The following SNED1 variants were observed in gnomAD, a reference collection of about 807,000 sequenced individuals.
SNED1 encodes the protein sushi, nidogen and EGF like domains 1, also known as sushi, nidogen and EGF-like domain-containing protein 1.
SNED1 carries 81 observed loss-of-function variants against 166.7 expected under a neutral mutation model. The observed-to-expected ratio is 0.49, with a 90% CI of 0.41 to 0.58. The LOEUF is 0.58. Ranked by LOEUF, SNED1 falls within the 20% of genes least tolerant of loss-of-function variation. SNED1 has a pLI of 0.00. For synonymous variants in SNED1, 762 were observed against 822.0 expected, an observed-to-expected ratio of 0.93 and a Z score of 1.25; for missense variants, 1,604 against 2,000.2, an observed-to-expected ratio of 0.80 and a Z score of 3.78.
intron 21 of SNED1, 141 bp from the exon 22 acceptor site, chr2:241,067,623 C>T (rs1397643430): frequency 4.7e-6 from 3 of 637,850 alleles, no homozygotes; most frequent in Non-Finnish European, 8.0e-6. Flanking sequence ...GCCCGAGTTC[C>T]CTGAGCAGTT....
chr2:241,027,682 A>G (rs1412849159), intron 1 of SNED1, among the ~76,000 whole-genome samples: 1 of 151,312 alleles, frequency 6.6e-6, no homozygotes, highest in African/African-American at 2.4e-5. Flanking sequence ...CGAACAGTGC[A>G]CAAGGGTTCC....
At chr2:241,009,812 CGGA>C (rs1207449828) in intron 1 of SNED1, among the ~76,000 whole-genome samples, 2 of 125,800 alleles carry the variant, frequency 1.6e-5, no homozygotes, top group African/African-American at 1.1e-4. Flanking sequence ...TGTGTTTCCC[CGGA>C]GGCGTCCCAT....
chr2:241,081,502 C>T (rs2063327415), intron 27 of SNED1, among the ~76,000 whole-genome samples, 175 bp from the exon 28 acceptor site: 1 of 152,246 alleles, frequency 6.6e-6, no homozygotes, highest in South Asian at 2.1e-4. Context: ...CTCTCAACAC[C>T]TGAACTGGGA....
intron 30 of SNED1, 179 bp from the exon 31 acceptor site, chr2:241,088,186 G>A (rs2063682249): frequency 1.7e-6 from 1 of 600,090 alleles, no homozygotes; most frequent in Admixed American, 2.9e-5. Context: ...AAGCCAGGCG[G>A]GCGCACACAA....
chr2:241,039,416 T>A (rs1383722864), intron 6 of SNED1, among the ~76,000 whole-genome samples: 1 of 152,124 alleles, frequency 6.6e-6, no homozygotes, highest in Non-Finnish European at 1.5e-5. Flanking sequence ...GTATGAGCTG[T>A]CAGTAAGACA....
At position 241,064,951 on chromosome 2, in the gene SNED1, G is replaced by T; in HGVS notation, c.2707G>T (p.Ala903Ser). Residue 903 changes from alanine (A) to serine (S), a missense_variant, in exon 20 of 32, where the codon GCC becomes TCC. Transcript: ENST00000310397. This position sits in a 1 kb window ranked among gnomAD's most constrained non-coding sequence, Gnocchi z 7.0. ...CKVGYTGEDC[A>S]KELFPPTALK... ...AGTGGGCTACACGGGCGAGGACTGCGCCAAAGGTGGGTGGCGAGGGCGCCT... is the reference window on the plus strand; with the variant it reads ...AGTGGGCTACACGGGCGAGGACTGCTCCAAAGGTGGGTGGCGAGGGCGCCT... 1.9e-6 allele frequency: 3 copies of T among 1,580,368 alleles called. No individual in the cohort carries two copies. In the South Asian group the frequency reaches 3.5e-5, roughly 18 times the overall value.
rs1271059059 is a variant in SNED1, at chr2:241,075,387, G to T, written c.3916+2023G>T. 1 of 152,310 alleles carries T rather than the reference G, an allele frequency of 6.6e-6. No homozygotes were observed. Among genetic ancestry groups the T allele is most frequent in the Middle Eastern group, 3.4e-3 (1 of 294 alleles). The allele number at this position is 152,310 out of a possible 1,614,324, so 9.4% of individuals were successfully genotyped here. On this transcript the variant is annotated intron_variant, in intron 27 of 31. Transcript: ENST00000310397. This position sits in a 1 kb window ranked among gnomAD's most constrained non-coding sequence, Gnocchi z 4.8. ...TCCAGTCTCTCTAGAACTAGGTTTTGCCGGGTTTGCAGATCCTACAGGCAG... is the reference window on the plus strand; with the variant it reads ...TCCAGTCTCTCTAGAACTAGGTTTTTCCGGGTTTGCAGATCCTACAGGCAG...
chr2:241,004,676 T>C (rs1404660087), intron 1 of SNED1, among the ~76,000 whole-genome samples: 2 of 152,216 alleles, frequency 1.3e-5, no homozygotes, highest in Non-Finnish European at 2.9e-5. Context: ...TGTTGTCATA[T>C]ATATTACTTT....
At position 241,082,379 on chromosome 2, in the gene SNED1, G is replaced by A; in HGVS notation, c.4121+15G>A. 6.3e-7 allele frequency: 1 copy of A among 1,598,494 alleles called. No homozygotes were observed. The highest frequency in any genetic ancestry group is 8.6e-7 in the Non-Finnish European group (1 of 1,166,338). ...TGTCACCACGTGTAAGTTGGTTTCT[G>A]TCCTCCGCCTTACCGCATTTGTCGT... On this transcript the variant is annotated intron_variant, in intron 29 of 31. Transcript: ENST00000310397.
In SNED1 at chr2:241,068,687, C is replaced by T. The variant is rs1333890680; in HGVS notation, c.3195-224C>T. On this transcript the variant is annotated intron_variant, in intron 22 of 31. Transcript: ENST00000310397. This position sits in a 1 kb window ranked among gnomAD's most constrained non-coding sequence, Gnocchi z 5.3. ...GACCATACTGTAGCAGCCCCAAGCG[C>T]ACCCGATCCTCCTCCGCTGCCCGGA... Among the ~76,000 whole-genome samples, 2 of 152,156 alleles carry T rather than the reference C, an allele frequency of 1.3e-5. No individual in the cohort carries two copies. Among genetic ancestry groups the T allele is most frequent in the Admixed American group, 1.3e-4 (2 of 15,288 alleles).
At chr2:241,039,581 A>C (rs2061465062) in intron 6 of SNED1, among the ~76,000 whole-genome samples, 1 of 151,932 alleles carries the variant, frequency 6.6e-6, no homozygotes. Flanking sequence ...CCACTCAGTA[A>C]CTGGGGGCCA....
intron 16 of SNED1, among the ~76,000 whole-genome samples, chr2:241,056,579 A>ATTTTT (rs1559274967): frequency 3.4e-5 from 3 of 87,700 alleles, no homozygotes; most frequent in African/African-American, 1.9e-4. Flanking sequence ...GAATAAGTGA[A>ATTTTT]ATTTTTTTTT....
At chr2:241,000,322 C>T (rs999231422) in intron 1 of SNED1, among the ~76,000 whole-genome samples, 2 of 152,246 alleles carry the variant, frequency 1.3e-5, no homozygotes, top group East Asian at 3.8e-4. Flanking sequence ...GGCCTCCCCA[C>T]CTCGGTGGCA....
chr2:241,060,429 C>T (rs996899801), intron 16 of SNED1, among the ~76,000 whole-genome samples: 3 of 152,158 alleles, frequency 2.0e-5, no homozygotes, highest in Admixed American at 1.3e-4. Context: ...GTGATCCACC[C>T]GCCTTGGGCT....
intron 1 of SNED1, among the ~76,000 whole-genome samples, chr2:241,004,888 G>T (rs1383692371): frequency 6.6e-6 from 1 of 151,698 alleles, no homozygotes; most frequent in Non-Finnish European, 1.5e-5. Flanking sequence ...CACCTAGCTA[G>T]TTTTTTTTAT....
At position 240,999,227 on chromosome 2, in the gene SNED1, G is replaced by C. The variant is rs1459659580; in HGVS notation, c.213+177G>C. On this transcript the variant is annotated intron_variant, in intron 1 of 31. Transcript: ENST00000310397. This position sits in a 1 kb window ranked among gnomAD's most constrained non-coding sequence, Gnocchi z 5.8. ...GCCAAGGCCGGACAGCGGCCCGCGG[G>C]AGAGGCGCGCGGGCGGGGCGGGGGC... Among the ~76,000 whole-genome samples the C allele has an allele frequency of 6.7e-6, 1 of 149,678 alleles. No individual in the cohort carries two copies. The highest frequency in any genetic ancestry group is 1.5e-5 in the Non-Finnish European group (1 of 67,154).
intron 1 of SNED1, among the ~76,000 whole-genome samples, chr2:241,029,434 G>A (rs919557314): frequency 6.6e-5 from 10 of 152,128 alleles, no homozygotes; most frequent in African/African-American, 2.4e-4. Flanking sequence ...TTTTCTTAGG[G>A]CACTAATCCC....
rs2064349852 is a variant in SNED1, at chr2:241,095,416, T to G, written c.*3780T>G. On this transcript the variant is annotated 3_prime_UTR_variant, in exon 32 of 32. Transcript: ENST00000310397. ...GCTGGCCTTAAGAAGCCATGCAAAA[T>G]TAACCAGTACATCATGAATTAACTT... 1 of 152,844 alleles carries G rather than the reference T, an allele frequency of 6.5e-6. No homozygotes were observed. Among genetic ancestry groups the G allele is most frequent in the African/African-American group, 2.4e-5 (1 of 41,464 alleles). The allele number at this position is 152,844 out of a possible 1,614,324, so 9.5% of individuals were successfully genotyped here.
At position 241,049,131 on chromosome 2, in the gene SNED1, C is replaced by G. The variant is rs373006318; in HGVS notation, c.1614C>G (p.Ser538Arg). Residue 538 changes from serine to arginine, a missense_variant, in exon 11 of 32, where the codon AGC becomes AGG. By Grantham distance (110) the Ser-to-Arg change is moderately radical. Transcript: ENST00000310397. ...LCVCHTDHNA[S>R]HSLPSPCDSD... ...TCTGCCACACCGACCACAATGCCAG[C>G]CACTGTGAGTAGCTCGGGGACGAGC... 5.6e-6 allele frequency: 9 copies of G among 1,610,872 alleles called. No individual in the cohort carries two copies. Among genetic ancestry groups the G allele is most frequent in the Non-Finnish European group, 7.6e-6 (9 of 1,178,348 alleles).
Sources: allele counts gnomAD v4.1 joint callset (sites outside exome capture counted in the v4.1 genomes callset), GRCh38; gene constraint gnomAD v4.1.1; non-coding constraint Gnocchi (gnomAD v3.1); transcripts MANE v1.5; gene names NCBI Gene and HGNC (gene_info 2026-07-23, HGNC 2026-07-21).